Variants in SSU72 observed in about 807,000 individuals in gnomAD.
The protein encoded by SSU72 is RNA polymerase II subunit A C-terminal domain phosphatase SSU72.
In SSU72, 12 loss-of-function variants were observed where a neutral mutation model predicts 22.7. That is an observed-to-expected ratio of 0.53 (90% CI 0.34 to 0.86). The LOEUF (loss-of-function observed/expected upper bound fraction) is 0.86, where lower values mean the gene tolerates loss of function less well. SSU72 is among the 40% of genes least tolerant of loss of function. The probability of loss-of-function intolerance (pLI) is 0.02; values close to 1 mark genes in which losing one functional copy is unlikely to be tolerated. For missense variants in SSU72, 151 were observed against 249.8 expected, an observed-to-expected ratio of 0.60 and a Z score of 2.67; for synonymous variants, 116 against 98.3, an observed-to-expected ratio of 1.18 and a Z score of -1.06.
At chr1:1,551,076 G>A (rs1420859013) in intron 2 of SSU72, among the ~76,000 whole-genome samples, 2 of 152,268 alleles carry the variant, frequency 1.3e-5, no homozygotes, top group East Asian at 3.9e-4. Flanking sequence ...CAGGCCAGCT[G>A]CACGGGGACC....
At chr1:1,572,166 G>A (rs1221343688) in intron 1 of SSU72, among the ~76,000 whole-genome samples, 2 of 147,116 alleles carry the variant, frequency 1.4e-5, no homozygotes, top group Non-Finnish European at 3.0e-5. Context: ...AGTAGCTCAC[G>A]CCTATAATCC....
intron 1 of SSU72, 72 bp downstream of exon 1, chr1:1,574,406 A>AG: frequency 6.7e-7 from 1 of 1,492,494 alleles, no homozygotes; most frequent in East Asian, 2.7e-5. Flanking sequence ...GGCGCGGGCC[A>AG]GGGGGAACCG....
chr1:1,562,179 C>G (rs929782053), intron 2 of SSU72: 1 of 152,292 alleles, frequency 6.6e-6, no homozygotes, highest in Non-Finnish European at 1.5e-5. Context: ...AGGTCTGGAA[C>G]CCAGGAGGTC....
intron 1 of SSU72, among the ~76,000 whole-genome samples, chr1:1,573,715 T>C (rs970677440): frequency 1.3e-5 from 2 of 152,202 alleles, no homozygotes; most frequent in African/African-American, 4.8e-5. Context: ...AGCGAAACAC[T>C]GTTTTCATTT....
chr1:1,568,076 A>G (rs1318185303), intron 1 of SSU72, among the ~76,000 whole-genome samples: 3 of 152,288 alleles, frequency 2.0e-5, no homozygotes, highest in African/African-American at 7.2e-5. Flanking sequence ...TTCCCCCAAC[A>G]AAAGGTTCAC....
chr1:1,548,717 C>T (rs1570383541), intron 2 of SSU72, among the ~76,000 whole-genome samples: 1 of 152,332 alleles, frequency 6.6e-6, no homozygotes, highest in South Asian at 2.1e-4. Context: ...TAGCTCCGCT[C>T]ACCCACTCTG....
At chr1:1,570,430 G>T (rs1642713928) in intron 1 of SSU72, among the ~76,000 whole-genome samples, 1 of 151,584 alleles carries the variant, frequency 6.6e-6, no homozygotes, top group South Asian at 2.1e-4. Context: ...GAGTCTGAAG[G>T]ATTTCCTGCC....
intron 2 of SSU72, among the ~76,000 whole-genome samples, chr1:1,556,897 A>G (rs576212707): frequency 6.6e-6 from 1 of 152,360 alleles, no homozygotes; most frequent in Non-Finnish European, 1.5e-5. Context: ...AATGACCACC[A>G]GCAACTACCT....
chr1:1,544,184 T>TC (rs1222666400), intron 3 of SSU72, among the ~76,000 whole-genome samples, 197 bp from the exon 4 acceptor site: 1 of 152,100 alleles, frequency 6.6e-6, no homozygotes, highest in African/African-American at 2.4e-5. Context: ...TGAGCAAATC[T>TC]CCAACTCAGC....
chr1:1,573,221 A>G (rs1176084071), intron 1 of SSU72, among the ~76,000 whole-genome samples: 1 of 149,358 alleles, frequency 6.7e-6, no homozygotes, highest in Non-Finnish European at 1.5e-5. Flanking sequence ...TAAGATCAAG[A>G]CCATCCTGGC....
At chr1:1,567,668 G>A (rs528496151) in intron 1 of SSU72, among the ~76,000 whole-genome samples, 20 of 152,204 alleles carry the variant, frequency 1.3e-4, no homozygotes, top group African/African-American at 4.6e-4. Flanking sequence ...TTCCGTCAAA[G>A]CACAAACAAG....
At chr1:1,545,949 G>A (rs1642384425) in intron 2 of SSU72, 1 of 152,370 alleles carries the variant, frequency 6.6e-6, no homozygotes, top group South Asian at 2.1e-4. Flanking sequence ...CAGCTGAAAG[G>A]GGGCCTTGGG....
At chr1:1,548,415 C>T (rs917351472) in intron 2 of SSU72, among the ~76,000 whole-genome samples, 11 of 152,112 alleles carry the variant, frequency 7.2e-5, no homozygotes, top group Non-Finnish European at 8.8e-5. Context: ...ATTAGCCAGG[C>T]GTCGTGGCAG....
chr1:1,549,282 G>A (rs550505927), intron 2 of SSU72, among the ~76,000 whole-genome samples: 2 of 152,106 alleles, frequency 1.3e-5, no homozygotes, highest in South Asian at 2.1e-4. Context: ...AGAACTTTGC[G>A]AGGCCGAGGC....
intron 2 of SSU72, chr1:1,545,845 AG>A (rs968257507): frequency 2.0e-5 from 3 of 152,448 alleles, no homozygotes; most frequent in African/African-American, 7.2e-5. Flanking sequence ...AAAAACCAAG[AG>A]GGCAAGACAG....
intron 2 of SSU72, among the ~76,000 whole-genome samples, chr1:1,548,572 A>AC (rs1179583687): frequency 0.069 from 9,882 of 143,472 alleles, 772 homozygotes; most frequent in East Asian, 0.27. Flanking sequence ...AAAAAAAAAA[A>AC]AAAACTCCCA....
chr1:1,560,795 T>C (rs1227265107), intron 2 of SSU72: 1 of 152,168 alleles, frequency 6.6e-6, no homozygotes, highest in Non-Finnish European at 1.5e-5. Flanking sequence ...GAGACAAACC[T>C]GGATAACACA....
At chr1:1,565,911 T>C (rs1334580528) in intron 1 of SSU72, among the ~76,000 whole-genome samples, 1 of 152,210 alleles carries the variant, frequency 6.6e-6, no homozygotes, top group Non-Finnish European at 1.5e-5. Context: ...AAAATTCTTC[T>C]GTCATCGCTG....
At chr1:1,543,589 TCGGCCA>T (rs1375928976) in intron 4 of SSU72, among the ~76,000 whole-genome samples, 7 of 151,570 alleles carry the variant, frequency 4.6e-5, no homozygotes, top group African/African-American at 1.5e-4. Flanking sequence ...GCCTCAGGTC[TCGGCCA>T]CTCCCCTCTG....
Sources: gnomAD v4.1 joint callset for allele counts (sites outside exome capture counted in the v4.1 genomes callset) on GRCh38, gnomAD v4.1.1 for gene constraint, MANE v1.5 for transcripts, NCBI Gene and HGNC (gene_info 2026-07-23, HGNC 2026-07-21) for gene names.